Variants in ARFGEF3 observed in about 807,000 individuals in gnomAD.
ARFGEF3 encodes the protein ARFGEF family member 3, also known as brefeldin A-inhibited guanine nucleotide-exchange protein 3.
ARFGEF3 carries 96 observed loss-of-function variants against 221.7 expected under a neutral mutation model. The ratio of observed to expected loss-of-function variants is 0.43; its 90% CI spans 0.37 to 0.51. The LOEUF is 0.51. Ranked by LOEUF, ARFGEF3 falls within the 20% of genes least tolerant of loss-of-function variation. The pLI is 0.00. For missense variants in ARFGEF3, 2,410 were observed against 2,789.9 expected (o/e 0.86, Z 3.07); for synonymous variants, 1,145 against 1,126.8 (o/e 1.02, Z -0.32).
rs375801303 is a variant in ARFGEF3, at chr6:138,207,120, G to T, written c.216G>T (p.Met72Ile). Reference protein sequence around the residue: ...VKLAQHALAGMQKLLSEERFV... With the variant: ...VKLAQHALAGIQKLLSEERFV... ...TGGCCCAACATGCTTTGGCAGGGAT[G>T]CAGGTATGGCTTTGACTGAATGCAA... The change falls in exon 3 of 34, where the codon ATG (methionine) becomes ATT (isoleucine). Residue 72 changes from methionine (M) to isoleucine (I), a missense_variant. This residue lies in a region of ARFGEF3 where 570 missense variants were observed against 586.9 expected (regional missense o/e 0.97). Coordinates refer to ENST00000251691, the MANE Select transcript of ARFGEF3 (RefSeq NM_020340.5). The T allele has an allele frequency of 6.2e-7, 1 of 1,609,722 alleles. No individual in the cohort carries two copies. Among genetic ancestry groups the T allele is most frequent in the Admixed American group, 1.7e-5 (1 of 59,506 alleles).
intron 22 of ARFGEF3, among the ~76,000 whole-genome samples, chr6:138,299,641 C>G (rs1296238360): frequency 6.6e-6 from 1 of 152,126 alleles, no homozygotes; most frequent in East Asian, 1.9e-4. Context: ...TAAGCGGAGC[C>G]CTTAGGCTGG....
chr6:138,165,668 C>T (rs150701952), intron 1 of ARFGEF3, among the ~76,000 whole-genome samples: 110 of 152,066 alleles, frequency 7.2e-4, no homozygotes, highest in African/African-American at 2.6e-3. Flanking sequence ...GGAGAGGGGT[C>T]ATCCCTTACT....
chr6:138,222,787 T>C (rs1778004585), intron 4 of ARFGEF3, among the ~76,000 whole-genome samples: 1 of 152,136 alleles, frequency 6.6e-6, no homozygotes, highest in African/African-American at 2.4e-5. Context: ...AATTGTGTAG[T>C]GGTAAAGTAT....
At chr6:138,329,404 C>G (rs1006476474) in intron 32 of ARFGEF3, among the ~76,000 whole-genome samples, 3 of 152,130 alleles carry the variant, frequency 2.0e-5, no homozygotes, top group Non-Finnish European at 4.4e-5. Context: ...ATGGCTCATA[C>G]CTATAATCCG....
At chr6:138,305,630 AG>A (rs1779708192) in intron 22 of ARFGEF3, among the ~76,000 whole-genome samples, 1 of 150,824 alleles carries the variant, frequency 6.6e-6, no homozygotes, top group Admixed American at 6.6e-5. Context: ...AAAAAAAAAA[AG>A]CCAAATAAAC....
chr6:138,282,399 G>C (rs1198514998), intron 14 of ARFGEF3, among the ~76,000 whole-genome samples: 1 of 152,190 alleles, frequency 6.6e-6, no homozygotes, highest in South Asian at 2.1e-4. Context: ...CACAGGGCTG[G>C]GCAAGACAGT....
At chr6:138,165,480 G>C (rs142017440) in intron 1 of ARFGEF3, among the ~76,000 whole-genome samples, 1 of 151,004 alleles carries the variant, frequency 6.6e-6, no homozygotes, top group Non-Finnish European at 1.5e-5. Context: ...CCTCATGGGA[G>C]AGAGGGGGTC....
chr6:138,271,896 G>C (rs1779009710), intron 12 of ARFGEF3, among the ~76,000 whole-genome samples: 1 of 152,070 alleles, frequency 6.6e-6, no homozygotes, highest in Admixed American at 6.6e-5. Flanking sequence ...GCTTCTCTTA[G>C]AGGATTTTTA....
At position 138,341,740 on chromosome 6, in the gene ARFGEF3, G is replaced by A. The variant is rs961930857; in HGVS notation, c.*5254G>A. The A allele has an allele frequency of 6.6e-6, 1 of 152,118 alleles. No homozygotes were observed. Among genetic ancestry groups the A allele is most frequent in the South Asian group, 2.1e-4 (1 of 4,824 alleles). The allele number at this position is 152,118 out of a possible 1,614,324, so 9.4% of individuals were successfully genotyped here. A position where few individuals can be genotyped will look rare whatever the true frequency, so the allele number is the denominator to read the frequency against. On this transcript the variant is annotated 3_prime_UTR_variant, in exon 34 of 34. Transcript: ENST00000251691. ...ATTGTAGTGTTTGCTATTTGATGTG[G>A]AAATAACTAATAACTTAAGATTTTG...
rs781240181 is a variant in ARFGEF3, at chr6:138,291,584, G to C, written c.3048-149G>C. 1.6e-5 allele frequency: 7 copies of C among 446,390 alleles called. No homozygotes were observed. The highest frequency in any genetic ancestry group is 2.7e-5 in the Non-Finnish European group (7 of 260,410). 27.7% of individuals were successfully genotyped at this position (446,390 alleles called of 1,614,324 possible). A position where few individuals can be genotyped will look rare whatever the true frequency, so the allele number is the denominator to read the frequency against. ...AATGCTGTGTGACATGAGAACACAG[G>C]AGGGAAGGACTGACTGTCATCACAG... On this transcript the variant is annotated intron_variant, in intron 18 of 33. Transcript: ENST00000251691. This position sits in a 1 kb window ranked among gnomAD's most constrained non-coding sequence, Gnocchi z 4.5.
intron 24 of ARFGEF3, among the ~76,000 whole-genome samples, chr6:138,310,533 G>A (rs946585509): frequency 5.9e-5 from 9 of 152,176 alleles, no homozygotes; most frequent in East Asian, 5.8e-4. Flanking sequence ...ACCCTTGCTC[G>A]AAAACCTAAG....
In ARFGEF3 at chr6:138,341,749, A is replaced by C. The variant is rs1450240851; in HGVS notation, c.*5263A>C. 2 of 152,184 alleles carry C rather than the reference A, an allele frequency of 1.3e-5. No homozygotes were observed. The highest frequency in any genetic ancestry group is 1.3e-4 in the Admixed American group (2 of 15,274). 9.4% of individuals were successfully genotyped at this position (152,184 alleles called of 1,614,324 possible). A position where few individuals can be genotyped will look rare whatever the true frequency, so the allele number is the denominator to read the frequency against. ...TTTGCTATTTGATGTGGAAATAACT[A>C]ATAACTTAAGATTTTGGAACAGAAC... On this transcript the variant is annotated 3_prime_UTR_variant, in exon 34 of 34. Coordinates refer to ENST00000251691, the MANE Select transcript of ARFGEF3 (RefSeq NM_020340.5).
At chr6:138,167,891 A>G (rs1282385142) in intron 1 of ARFGEF3, among the ~76,000 whole-genome samples, 1 of 152,208 alleles carries the variant, frequency 6.6e-6, no homozygotes, top group East Asian at 1.9e-4. Context: ...GTCCAGCCGT[A>G]CATGGCCTGG....
At chr6:138,326,453 T>C (rs1219420571) in intron 31 of ARFGEF3, among the ~76,000 whole-genome samples, 1 of 151,888 alleles carries the variant, frequency 6.6e-6, no homozygotes, top group Non-Finnish European at 1.5e-5. Context: ...CATTAAAAAG[T>C]GGGTAAAGGA....
chr6:138,216,384 G>T (rs1168167973), intron 4 of ARFGEF3: 1 of 152,248 alleles, frequency 6.6e-6, no homozygotes, highest in African/African-American at 2.4e-5. Context: ...AAGCTTCAGG[G>T]TGTCCAATTA....
At chr6:138,270,427 G>GACACACACACACACAC (rs3044804) in intron 12 of ARFGEF3, among the ~76,000 whole-genome samples, 3,139 of 139,398 alleles carry the variant, frequency 0.023, 55 homozygotes, top group Non-Finnish European at 0.03. Flanking sequence ...ATTTTACGTA[G>GACACACACACACACAC]ACACACACAC....
chr6:138,254,115 A>G, intron 9 of ARFGEF3, 131 bp downstream of exon 9: 1 of 588,762 alleles, frequency 1.7e-6, no homozygotes, highest in Non-Finnish European at 2.8e-6. Context: ...AATGTCTTAG[A>G]GGGAAAGCAG....
At position 138,276,382 on chromosome 6, in the gene ARFGEF3, TCTGA is replaced by T. The variant is rs1465452342; in HGVS notation, c.2129-2064_2129-2061del. On this transcript the variant is annotated intron_variant, in intron 12 of 33. Transcript: ENST00000251691. ...AAGTTTGAGCCATGATACCAACAAC[TCTGA>T]CTGAATGAACCCATCTTCAGAGCAT... 1.3e-4 allele frequency among the ~76,000 whole-genome samples: 20 copies of T among 152,324 alleles called. 1 individual carries two copies. The highest frequency in any genetic ancestry group is 4.6e-4 in the African/African-American group (19 of 41,576).
intron 22 of ARFGEF3, among the ~76,000 whole-genome samples, chr6:138,305,448 G>A (rs115861558): frequency 0.03 from 4,612 of 151,434 alleles, 226 homozygotes; most frequent in African/African-American, 0.1. Flanking sequence ...CAAAAAAAAA[G>A]TATATATATA....
Sources: gnomAD v4.1 joint callset for allele counts (sites outside exome capture counted in the v4.1 genomes callset) on GRCh38, gnomAD v4.1.1 for gene constraint, gnomAD v4.1.1 regional missense constraint, Gnocchi (gnomAD v3.1) non-coding constraint, MANE v1.5 for transcripts, NCBI Gene and HGNC (gene_info 2026-07-23, HGNC 2026-07-21) for gene names.